SH3D19: variants seen among roughly 807,000 people sequenced by gnomAD.
SH3D19 encodes SH3 domain-containing protein 19.
Under a neutral mutation model 112.1 loss-of-function variants are expected in SH3D19, and 58 were observed. The observed-to-expected ratio is 0.52, with a 90% CI of 0.42 to 0.64. SH3D19 has a LOEUF of 0.64. Ranked by LOEUF, SH3D19 falls within the 30% of genes least tolerant of loss-of-function variation. SH3D19 has a pLI of 0.00. For synonymous variants in SH3D19, 391 were observed against 448.5 expected (o/e 0.87, Z 1.62); for missense variants, 1,090 against 1,263.4 (o/e 0.86, Z 2.08).
chr4:151,237,381 A>G (rs1401614109), intron 1 of SH3D19, among the ~76,000 whole-genome samples: 1 of 152,218 alleles, frequency 6.6e-6, no homozygotes, highest in African/African-American at 2.4e-5. Context: ...ACATCTCAGA[A>G]TAACAGCTTA....
At chr4:151,149,417 C>T in intron 10 of SH3D19, 83 bp downstream of exon 10, 2 of 1,132,302 alleles carry the variant, frequency 1.8e-6, no homozygotes. Flanking sequence ...GATTCAAGGC[C>T]AACAACACTC....
At position 151,148,071 on chromosome 4, in the gene SH3D19, T is replaced by C. The variant is rs779422973; in HGVS notation, c.1933A>G (p.Asn645Asp). The C allele has an allele frequency of 6.2e-7, 1 of 1,614,178 alleles. No homozygotes were observed. Among genetic ancestry groups the C allele is most frequent in the South Asian group, 1.1e-5 (1 of 91,082 alleles). ...TRRSNKKLPFNRSSSDMDLQK... is the reference protein window; with the variant it reads ...TRRSNKKLPFDRSSSDMDLQK... ...AGATCCATGTCAGAAGAGGATCGAT[T>C]AAAAGGCAGTTTCTTATTAGATCTT... is the stretch of plus-strand genomic sequence containing the variant. Residue 645 changes from asparagine to aspartate, a missense_variant, in exon 11 of 20, where the codon AAT (asparagine) becomes GAT (aspartate). Transcript: ENST00000604030.
intron 12 of SH3D19, among the ~76,000 whole-genome samples, chr4:151,143,247 T>A (rs1275183199): frequency 2.7e-5 from 4 of 150,374 alleles, no homozygotes; most frequent in Non-Finnish European, 5.9e-5. Flanking sequence ...AAAAAAAAAA[T>A]TCTAATTTTT....
chr4:151,280,294 A>G (rs761435708), intron 1 of SH3D19, among the ~76,000 whole-genome samples: 3 of 152,174 alleles, frequency 2.0e-5, no homozygotes, highest in Non-Finnish European at 4.4e-5. Flanking sequence ...TCATGTGGTG[A>G]GTGTCCCTAT....
intron 1 of SH3D19, among the ~76,000 whole-genome samples, chr4:151,245,080 G>A (rs559456854): frequency 6.6e-6 from 1 of 151,958 alleles, no homozygotes; most frequent in East Asian, 1.9e-4. Flanking sequence ...GGAAGCGAAG[G>A]TTGCAGTGAG....
intron 18 of SH3D19, 78 bp downstream of exon 18, chr4:151,128,092 G>A: frequency 8.2e-7 from 1 of 1,218,788 alleles, no homozygotes; most frequent in Non-Finnish European, 1.1e-6. Flanking sequence ...CATGGCCAGA[G>A]GGGAAAGGAA....
intron 1 of SH3D19, among the ~76,000 whole-genome samples, chr4:151,233,279 G>T (rs919071385): frequency 2.0e-5 from 3 of 151,952 alleles, no homozygotes; most frequent in Non-Finnish European, 4.4e-5. Flanking sequence ...TAAAGTACAC[G>T]ATAAATGTAA....
chr4:151,285,004 C>T (rs1311733648), intron 1 of SH3D19, among the ~76,000 whole-genome samples: 1 of 152,130 alleles, frequency 6.6e-6, no homozygotes, highest in Non-Finnish European at 1.5e-5. Context: ...GAACTCTATC[C>T]TCTAATTCCT....
At chr4:151,207,852 T>C (rs1253875844) in intron 2 of SH3D19, among the ~76,000 whole-genome samples, 2 of 152,208 alleles carry the variant, frequency 1.3e-5, no homozygotes, top group African/African-American at 4.8e-5. Flanking sequence ...TAGTTTCTTA[T>C]GACAAAACTA....
intron 2 of SH3D19, among the ~76,000 whole-genome samples, chr4:151,202,725 C>G (rs1172773637): frequency 6.6e-6 from 1 of 152,156 alleles, no homozygotes; most frequent in Non-Finnish European, 1.5e-5. Context: ...ACCTTACTTT[C>G]AAAACACAAG....
At chr4:151,270,708 C>T (rs1261713060) in intron 1 of SH3D19, among the ~76,000 whole-genome samples, 1 of 152,188 alleles carries the variant, frequency 6.6e-6, no homozygotes, top group East Asian at 1.9e-4. Context: ...AATTTGTCAG[C>T]TCCATTATAA....
At chr4:151,310,363 G>A (rs1729330718) in intron 1 of SH3D19, among the ~76,000 whole-genome samples, 1 of 152,030 alleles carries the variant, frequency 6.6e-6, no homozygotes, top group Non-Finnish European at 1.5e-5. Context: ...AACACAGCAA[G>A]ACCCTGTTGC....
intron 1 of SH3D19, among the ~76,000 whole-genome samples, chr4:151,296,213 T>C (rs1245226706): frequency 6.6e-6 from 1 of 152,186 alleles, no homozygotes; most frequent in East Asian, 1.9e-4. Context: ...GCTTCAAGTA[T>C]ACAAATAATT....
intron 1 of SH3D19, among the ~76,000 whole-genome samples, chr4:151,229,263 A>G (rs1233919467): frequency 6.6e-6 from 1 of 152,186 alleles, no homozygotes; most frequent in Non-Finnish European, 1.5e-5. Flanking sequence ...AATCATATGA[A>G]TAACTTTCTA....
intron 1 of SH3D19, among the ~76,000 whole-genome samples, chr4:151,245,829 T>C (rs1770906901): frequency 6.6e-6 from 1 of 152,160 alleles, no homozygotes; most frequent in South Asian, 2.1e-4. Context: ...TCGAACTCCT[T>C]GACCTCAAGT....
chr4:151,298,397 C>T (rs1775847468), intron 1 of SH3D19, among the ~76,000 whole-genome samples: 1 of 151,966 alleles, frequency 6.6e-6, no homozygotes, highest in African/African-American at 2.4e-5. Context: ...AGGATGGTCT[C>T]AATCTCCTGA....
chr4:151,130,958 A>C (rs1389546965), intron 17 of SH3D19, among the ~76,000 whole-genome samples: 1 of 151,920 alleles, frequency 6.6e-6, no homozygotes, highest in Non-Finnish European at 1.5e-5. Context: ...GAAAAAAAAA[A>C]AAGAAGTGGG....
At chr4:151,130,018 C>G (rs1054062942) in intron 17 of SH3D19, among the ~76,000 whole-genome samples, 3 of 152,194 alleles carry the variant, frequency 2.0e-5, no homozygotes, top group African/African-American at 4.8e-5. Context: ...GAACTGTAGT[C>G]AGTTTCCTTC....
chr4:151,137,810 C>T lies in SH3D19; in HGVS notation c.2349G>A (p.Glu783=). The change falls in exon 14 of 20, where the codon GAG becomes GAA. Residue 783 remains glutamate (E), a synonymous_variant. Transcript: ENST00000604030. ...CTCTGTACCAATCTGTATCTATCTT[C>T]TCCAGAAGATAAACAATTTCTCCAG... is the stretch of plus-strand genomic sequence containing the variant. ...LTSGEIVYLL[E]KIDTDWYRGN... 6 of 1,610,722 alleles carry T rather than the reference C, an allele frequency of 3.7e-6. No individual in the cohort carries two copies. The highest frequency in any genetic ancestry group is 5.1e-6 in the Non-Finnish European group (6 of 1,178,706).
Sources: allele counts gnomAD v4.1 joint callset (sites outside exome capture counted in the v4.1 genomes callset), GRCh38; gene constraint gnomAD v4.1.1; transcripts MANE v1.5; gene names NCBI Gene and HGNC (gene_info 2026-07-23, HGNC 2026-07-21).